NDST4: variants seen among roughly 807,000 people sequenced by gnomAD.
NDST4 encodes N-heparan sulfate sulfotransferase 4.
NDST4 carries 63 observed loss-of-function variants against 100.8 expected under a neutral mutation model. The observed-to-expected ratio is 0.62, with a 90% CI of 0.51 to 0.77. The LOEUF (loss-of-function observed/expected upper bound fraction) is 0.77, where lower values mean the gene tolerates loss of function less well. Ranked by LOEUF, NDST4 falls within the 30% of genes least tolerant of loss-of-function variation. The pLI, the probability that NDST4 is intolerant of heterozygous loss-of-function variation, is 0.00. For synonymous variants in NDST4, 377 were observed against 361.8 expected (o/e 1.04, Z -0.48); for missense variants, 943 against 1,018.4 (o/e 0.93, Z 1.01).
At chr4:115,067,397 T>C (rs527411251) in intron 2 of NDST4, among the ~76,000 whole-genome samples, 2 of 152,292 alleles carry the variant, frequency 1.3e-5, no homozygotes, top group African/African-American at 2.4e-5. Context: ...TTATTTATTA[T>C]CATAAAATAT....
intron 2 of NDST4, among the ~76,000 whole-genome samples, chr4:115,015,715 C>CTATGAA (rs1727661889): frequency 6.6e-6 from 1 of 152,040 alleles, no homozygotes; most frequent in East Asian, 1.9e-4. Context: ...CTTTCTCAGT[C>CTATGAA]TACTGCTGTC....
intron 6 of NDST4, among the ~76,000 whole-genome samples, chr4:114,908,425 C>T (rs1473359312): frequency 2.0e-5 from 3 of 152,028 alleles, no homozygotes; most frequent in Non-Finnish European, 4.4e-5. Flanking sequence ...TAAATCATAT[C>T]AGTCGAATTT....
At chr4:114,901,656 A>G (rs1327693187) in intron 6 of NDST4, among the ~76,000 whole-genome samples, 1 of 151,844 alleles carries the variant, frequency 6.6e-6, no homozygotes. Context: ...AGCCAAAATA[A>G]TATGTGCCAT....
chr4:114,879,921 T>C (rs1327295835), intron 6 of NDST4, among the ~76,000 whole-genome samples: 2 of 152,198 alleles, frequency 1.3e-5, no homozygotes, highest in African/African-American at 4.8e-5. Context: ...GAAGTTCCAT[T>C]CTGCATCTGA....
At chr4:114,886,218 A>G (rs1724474087) in intron 6 of NDST4, among the ~76,000 whole-genome samples, 2 of 152,162 alleles carry the variant, frequency 1.3e-5, no homozygotes, top group South Asian at 2.1e-4. Context: ...AGTTTTTCAA[A>G]CTTTAAAGAA....
At chr4:114,842,650 A>AAAAAAAAAAAAAAAAC (rs1723453028) in intron 10 of NDST4, 1 of 248,742 alleles carries the variant, frequency 4.0e-6, no homozygotes, top group Non-Finnish European at 7.6e-6. Context: ...AAAAAAAAAA[A>AAAAAAAAAAAAAAAAC]ATTAGCCAGG....
At chr4:115,102,107 C>A (rs1026832912) in intron 1 of NDST4, among the ~76,000 whole-genome samples, 2 of 152,108 alleles carry the variant, frequency 1.3e-5, no homozygotes, top group African/African-American at 4.8e-5. Context: ...TAGCCAGCAG[C>A]AATGATTATC....
intron 2 of NDST4, among the ~76,000 whole-genome samples, chr4:115,033,952 C>T (rs1728177707): frequency 6.6e-6 from 1 of 152,070 alleles, no homozygotes; most frequent in Non-Finnish European, 1.5e-5. Flanking sequence ...TGTATTTTGA[C>T]ACTATCAATG....
intron 7 of NDST4, among the ~76,000 whole-genome samples, chr4:114,858,240 T>A (rs532570495): frequency 6.6e-6 from 1 of 152,344 alleles, no homozygotes; most frequent in South Asian, 2.1e-4. Flanking sequence ...ACTGTGATAA[T>A]GAAAAGGGCA....
intron 7 of NDST4, among the ~76,000 whole-genome samples, chr4:114,857,214 C>T (rs532160473): frequency 2.4e-4 from 36 of 152,268 alleles, no homozygotes; most frequent in East Asian, 7.7e-4. Context: ...AATCATATTA[C>T]GCAAACCATA....
chr4:115,024,479 G>A (rs10001338), intron 2 of NDST4, among the ~76,000 whole-genome samples: 7,841 of 152,084 alleles, frequency 0.052, 650 homozygotes, highest in African/African-American at 0.18. Context: ...CTTGGCAGTA[G>A]TTACCCATCT....
chr4:115,053,155 A>G (rs1037240837), intron 2 of NDST4, among the ~76,000 whole-genome samples: 1 of 152,152 alleles, frequency 6.6e-6, no homozygotes, highest in Non-Finnish European at 1.5e-5. Flanking sequence ...TGAATGAAAC[A>G]TGTTTCTCTC....
intron 7 of NDST4, among the ~76,000 whole-genome samples, chr4:114,857,437 TACAA>T (rs1248901083): frequency 7.2e-5 from 11 of 152,274 alleles, no homozygotes; most frequent in Middle Eastern, 3.4e-3. Flanking sequence ...AGGGGCCACT[TACAA>T]ATAAGTGGCC....
intron 1 of NDST4, among the ~76,000 whole-genome samples, chr4:115,111,393 T>A (rs1192199846): frequency 6.6e-6 from 1 of 151,754 alleles, no homozygotes; most frequent in Admixed American, 6.6e-5. Flanking sequence ...TGAGCATATG[T>A]TTCTATTTTG....
intron 6 of NDST4, among the ~76,000 whole-genome samples, chr4:114,902,650 T>C (rs965812378): frequency 6.6e-6 from 1 of 152,094 alleles, no homozygotes; most frequent in East Asian, 1.9e-4. Context: ...TTGCTTCAAA[T>C]ACTTATTCTC....
chr4:114,892,478 A>G (rs1724618891), intron 6 of NDST4, among the ~76,000 whole-genome samples: 1 of 152,158 alleles, frequency 6.6e-6, no homozygotes, highest in Admixed American at 6.6e-5. Flanking sequence ...TCTTTTACAT[A>G]CAAATTTTAC....
chr4:114,945,670 T>C (rs1725846639), intron 4 of NDST4, among the ~76,000 whole-genome samples: 1 of 152,216 alleles, frequency 6.6e-6, no homozygotes, highest in Non-Finnish European at 1.5e-5. Flanking sequence ...TTTCTTCTCC[T>C]AAATGCACAA....
chr4:114,996,682 T>A (rs958811703), intron 2 of NDST4, among the ~76,000 whole-genome samples: 2 of 152,202 alleles, frequency 1.3e-5, no homozygotes, highest in Admixed American at 1.3e-4. Flanking sequence ...ATCTCATTTT[T>A]ATTACAACAA....
At chr4:115,047,128 G>A (rs1728478864) in intron 2 of NDST4, among the ~76,000 whole-genome samples, 1 of 152,004 alleles carries the variant, frequency 6.6e-6, no homozygotes, top group Non-Finnish European at 1.5e-5. Flanking sequence ...AGTAAGATGG[G>A]TAAAACTTAT....
Sources: allele counts gnomAD v4.1 joint callset (sites outside exome capture counted in the v4.1 genomes callset), GRCh38; gene constraint gnomAD v4.1.1; transcripts MANE v1.5; gene names NCBI Gene and HGNC (gene_info 2026-07-23, HGNC 2026-07-21).